Variants in PRIM2 observed in about 807,000 individuals in gnomAD.
PRIM2 encodes DNA primase large subunit.
A neutral mutation model predicts 67.3 loss-of-function variants in PRIM2; 39 were observed. The ratio of observed to expected loss-of-function variants is 0.58; its 90% CI spans 0.45 to 0.76. The LOEUF (loss-of-function observed/expected upper bound fraction) is 0.76. PRIM2 is among the 30% of genes least tolerant of loss of function. The pLI is 0.00. For missense variants in PRIM2, 398 were observed against 598.7 expected (o/e 0.66, Z 3.50); for synonymous variants, 143 against 198.7 (o/e 0.72, Z 2.36).
intron 10 of PRIM2, among the ~76,000 whole-genome samples, chr6:57,552,127 G>T (rs1432196930): frequency 6.6e-6 from 1 of 152,178 alleles, no homozygotes; most frequent in Non-Finnish European, 1.5e-5. Flanking sequence ...GGGAAGACCA[G>T]CAGGAGGCAG....
chr6:57,229,492 AT>A, the PRIM2 span, among the ~76,000 whole-genome samples: 23 of 78,760 alleles, frequency 2.9e-4, no homozygotes, highest in African/African-American at 7.2e-4. Context: ...TTTTTTATTT[AT>A]TTTTTTTTTT....
the PRIM2 span, among the ~76,000 whole-genome samples, chr6:57,236,406 TC>T: frequency 1.3e-5 from 2 of 148,160 alleles, no homozygotes; most frequent in African/African-American, 5.2e-5. Flanking sequence ...CCCAGAATGA[TC>T]TTTTTTTTTC....
the PRIM2 span, among the ~76,000 whole-genome samples, chr6:57,286,454 C>A: frequency 6.6e-6 from 1 of 152,138 alleles, no homozygotes; most frequent in Non-Finnish European, 1.5e-5. Context: ...AGTAACACCA[C>A]ACATCTACAA....
At chr6:57,451,622 A>G (rs112153934) in intron 7 of PRIM2, among the ~76,000 whole-genome samples, 1 of 152,136 alleles carries the variant, frequency 6.6e-6, no homozygotes. Flanking sequence ...AAGATTCTTA[A>G]TAGGTCCCGA....
chr6:57,317,655 A>G lies in PRIM2; in HGVS notation c.-56A>G, dbSNP rs558821130. 1.3e-3 allele frequency: 195 copies of G among 152,854 alleles called. No homozygotes were observed. Among genetic ancestry groups the G allele is most frequent in the African/African-American group, 4.5e-3 (185 of 41,572 alleles). 9.5% of individuals were successfully genotyped at this position (152,854 alleles called of 1,614,324 possible). A position where few individuals can be genotyped will look rare whatever the true frequency, so the allele number is the denominator to read the frequency against. On this transcript the variant is annotated 5_prime_UTR_variant, in exon 1 of 14. Coordinates refer to ENST00000615550, the MANE Select transcript of PRIM2 (RefSeq NM_000947.5). ...ATATGAACTCTCCCGCCACCCGGGA[A>G]CAGTGGCTGCCACCGTTTGTGTTTT...
chr6:57,277,205 T>C, the PRIM2 span, among the ~76,000 whole-genome samples: 1 of 152,090 alleles, frequency 6.6e-6, no homozygotes, highest in African/African-American at 2.4e-5. Flanking sequence ...TGGGAAGGTA[T>C]CCTTTCAAAA....
the PRIM2 span, among the ~76,000 whole-genome samples, chr6:57,286,411 T>A: frequency 6.6e-6 from 1 of 152,050 alleles, no homozygotes; most frequent in East Asian, 1.9e-4. Context: ...AAAACAGATA[T>A]ATAGACAAAT....
chr6:57,565,840 G>A (rs1423397211), intron 10 of PRIM2, among the ~76,000 whole-genome samples: 2 of 152,176 alleles, frequency 1.3e-5, no homozygotes, highest in African/African-American at 2.4e-5. Context: ...TAGTGTTACT[G>A]TCTTATGATT....
intron 5 of PRIM2, among the ~76,000 whole-genome samples, chr6:57,372,942 A>T (rs10755788): frequency 6.6e-6 from 1 of 152,154 alleles, no homozygotes; most frequent in Non-Finnish European, 1.5e-5. Context: ...TATAATAAAA[A>T]AATAAAATGA....
chr6:57,587,580 C>G (rs1282096210), intron 10 of PRIM2, among the ~76,000 whole-genome samples: 1 of 130,916 alleles, frequency 7.6e-6, no homozygotes. Flanking sequence ...AGGAGAAAGG[C>G]GTGAACTCGG....
At chr6:57,448,000 G>A (rs1429471482) in intron 7 of PRIM2, among the ~76,000 whole-genome samples, 1 of 152,120 alleles carries the variant, frequency 6.6e-6, no homozygotes, top group Non-Finnish European at 1.5e-5. Context: ...GTGTTTATGA[G>A]TATTTGCTTT....
At chr6:57,304,580 T>C in the PRIM2 span, among the ~76,000 whole-genome samples, 2 of 152,208 alleles carry the variant, frequency 1.3e-5, no homozygotes, top group African/African-American at 4.8e-5. Context: ...GTTCTAAGAG[T>C]TGCTTGTGTG....
intron 13 of PRIM2, among the ~76,000 whole-genome samples, chr6:57,642,535 C>T (rs1337159052): frequency 4.1e-5 from 6 of 145,870 alleles, no homozygotes; most frequent in Non-Finnish European, 9.0e-5. Flanking sequence ...CTCCGCCTCC[C>T]GGGTTCACGC....
At chr6:57,463,976 C>T (rs552865621) in intron 7 of PRIM2, among the ~76,000 whole-genome samples, 1 of 152,168 alleles carries the variant, frequency 6.6e-6, no homozygotes, top group African/African-American at 2.4e-5. Flanking sequence ...ATAAGATCTT[C>T]TTTATCCTTG....
chr6:57,569,556 T>G (rs1775822142), intron 10 of PRIM2, among the ~76,000 whole-genome samples: 1 of 152,126 alleles, frequency 6.6e-6, no homozygotes. Context: ...CTAGATTTGC[T>G]TATGGTCTTT....
At chr6:57,637,248 C>G (rs1478244557) in intron 13 of PRIM2, among the ~76,000 whole-genome samples, 2 of 152,140 alleles carry the variant, frequency 1.3e-5, no homozygotes, top group Non-Finnish European at 2.9e-5. Flanking sequence ...AAACCCCATG[C>G]AAAGTTCACC....
intron 5 of PRIM2, among the ~76,000 whole-genome samples, chr6:57,328,237 A>G (rs112094161): frequency 1.7e-3 from 254 of 152,318 alleles, no homozygotes; most frequent in Middle Eastern, 3.4e-3. Context: ...CCCTTTTACA[A>G]TGTATAATTC....
Position 57,374,014 on chromosome 6 carries a change from C to T in PRIM2, c.460-5887C>T, listed in dbSNP as rs62417996. Among the ~76,000 whole-genome samples, 187 of 152,248 alleles carry T rather than the reference C, an allele frequency of 1.2e-3. 5 individuals carry two copies. The East Asian group carries it at 0.016, about 13-fold the overall frequency. On this transcript the variant is annotated intron_variant, in intron 5 of 13. Transcript: ENST00000615550. ...CAGTGGTAGTTTGATGGGATTAGCA[C>T]TGAATCTATAAATTGCATCAGACAG...
intron 7 of PRIM2, among the ~76,000 whole-genome samples, chr6:57,472,595 AT>A (rs1314536081): frequency 6.6e-6 from 1 of 151,960 alleles, no homozygotes; most frequent in Non-Finnish European, 1.5e-5. Context: ...GTATCTTTAA[AT>A]TTTTCTTGAT....
Sources: gnomAD v4.1 joint callset for allele counts (sites outside exome capture counted in the v4.1 genomes callset) on GRCh38, gnomAD v4.1.1 for gene constraint, MANE v1.5 for transcripts, NCBI Gene and HGNC (gene_info 2026-07-23, HGNC 2026-07-21) for gene names.